TOX2: variants seen among roughly 807,000 people sequenced by gnomAD.
The protein encoded by TOX2 is granulosa cell HMG box 1.
TOX2 carries 15 observed loss-of-function variants against 47.4 expected under a neutral mutation model. The ratio of observed to expected loss-of-function variants is 0.32; its 90% CI spans 0.21 to 0.49. The LOEUF is 0.49. Among genes scored for constraint, TOX2 ranks in the 20% least tolerant of loss-of-function variants. TOX2 has a pLI of 0.99. For missense variants in TOX2, 622 were observed against 673.1 expected, an observed-to-expected ratio of 0.92 and a Z score of 0.84; for synonymous variants, 290 against 296.6, an observed-to-expected ratio of 0.98 and a Z score of 0.23.
intron 1 of TOX2, among the ~76,000 whole-genome samples, chr20:43,948,467 G>A (rs919488580): frequency 3.3e-5 from 5 of 152,274 alleles, no homozygotes; most frequent in Admixed American, 6.5e-5. Flanking sequence ...TCCTTTCCTC[G>A]GCCGGCGGCA....
At chr20:43,950,734 C>T (rs773356191) in intron 1 of TOX2, among the ~76,000 whole-genome samples, 6 of 152,050 alleles carry the variant, frequency 3.9e-5, no homozygotes, top group African/African-American at 1.2e-4. Flanking sequence ...CCCAATACCC[C>T]TCACCTGCTC....
In TOX2 at chr20:43,975,928, A is replaced by G. The variant is rs142532089; in HGVS notation, c.165+2496A>G. Among the ~76,000 whole-genome samples, 319 of 152,118 alleles carry G rather than the reference A, an allele frequency of 2.1e-3. 2 individuals are homozygous for G. The highest frequency in any genetic ancestry group is 7.4e-3 in the African/African-American group (305 of 41,490). On this transcript the variant is annotated intron_variant, in intron 2 of 8. Coordinates refer to ENST00000341197, the MANE Select transcript of TOX2 (RefSeq NM_001098797.2). ...AGCCCCTGCTCTTCTCTGAACTTCAATGTCCCTAACAGTGGAACAAGGTGG... is the reference window on the plus strand; with the variant it reads ...AGCCCCTGCTCTTCTCTGAACTTCAGTGTCCCTAACAGTGGAACAAGGTGG...
chr20:44,052,072 T>C (rs1331452517), intron 4 of TOX2, among the ~76,000 whole-genome samples: 1 of 152,186 alleles, frequency 6.6e-6, no homozygotes, highest in African/African-American at 2.4e-5. Flanking sequence ...ATTTGGCCCT[T>C]TTAGGAGAAA....
At chr20:43,945,924 T>C (rs2069462047) in intron 1 of TOX2, 1 of 1,613,272 alleles carries the variant, frequency 6.2e-7, no homozygotes, top group South Asian at 1.1e-5. Flanking sequence ...TGCAGCAGAC[T>C]CGCACAGAGG....
chr20:43,969,663 T>C (rs1251821642), intron 1 of TOX2, among the ~76,000 whole-genome samples: 15 of 152,180 alleles, frequency 9.9e-5, no homozygotes, highest in Non-Finnish European at 2.9e-5. Flanking sequence ...CCCCGCCCAC[T>C]CAGGGCCTCT....
chr20:43,921,744 A>G (rs1358556941), intron 1 of TOX2, among the ~76,000 whole-genome samples: 1 of 151,856 alleles, frequency 6.6e-6, no homozygotes, highest in Non-Finnish European at 1.5e-5. Context: ...GTGTAGCCTC[A>G]AACTCCTGGG....
At chr20:43,991,867 C>T (rs940259082) in intron 2 of TOX2, among the ~76,000 whole-genome samples, 4 of 152,152 alleles carry the variant, frequency 2.6e-5, no homozygotes, top group Admixed American at 2.6e-4. Context: ...TGGTCTTGAA[C>T]TCCTGACCTC....
intron 1 of TOX2, among the ~76,000 whole-genome samples, chr20:43,927,656 TTCCCC>T (rs1569003636): frequency 9.5e-6 from 1 of 105,440 alleles, no homozygotes; most frequent in East Asian, 3.9e-4. Context: ...TTCCCTTCCC[TTCCCC>T]TTCCTTCCTT....
chr20:44,054,963 A>T lies in TOX2; in HGVS notation c.879+437A>T, dbSNP rs6103585. 2.4e-3 allele frequency among the ~76,000 whole-genome samples: 366 copies of T among 152,168 alleles called. 1 individual carries two copies. The highest frequency in any genetic ancestry group is 7.4e-3 in the African/African-American group (309 of 41,490). ...GGCAAATGGAGTTGCCAGCTGTGTG[A>T]CCTCAGCCTGACCACCTAAACTCTC... On this transcript the variant is annotated intron_variant, in intron 5 of 8. Transcript: ENST00000341197.
At chr20:44,029,673 C>G (rs1003036700) in intron 3 of TOX2, among the ~76,000 whole-genome samples, 1 of 152,196 alleles carries the variant, frequency 6.6e-6, no homozygotes, top group Admixed American at 6.5e-5. Context: ...ATGGGAACAC[C>G]TGCCCTCCAC....
intron 2 of TOX2, among the ~76,000 whole-genome samples, chr20:43,990,054 G>T (rs1418245602): frequency 6.6e-6 from 1 of 152,052 alleles, no homozygotes; most frequent in Admixed American, 6.6e-5. Context: ...CAGTTGTGTG[G>T]CTTTATGCAA....
At chr20:43,990,856 A>G (rs1432196512) in intron 2 of TOX2, among the ~76,000 whole-genome samples, 2 of 152,108 alleles carry the variant, frequency 1.3e-5, no homozygotes, top group Non-Finnish European at 2.9e-5. Flanking sequence ...CGTGTGGCAC[A>G]TTTTTAGGCA....
chr20:43,945,962 T>C, intron 1 of TOX2: 1 of 1,614,072 alleles, frequency 6.2e-7, no homozygotes, highest in Non-Finnish European at 8.5e-7. Context: ...TCTCGCTGCC[T>C]GGGCTTCTGT....
intron 5 of TOX2, among the ~76,000 whole-genome samples, chr20:44,063,918 C>A (rs1326080774): frequency 6.6e-6 from 1 of 152,062 alleles, no homozygotes; most frequent in Non-Finnish European, 1.5e-5. Context: ...AATGGAAAAC[C>A]AAACATTGTA....
chr20:43,925,510 A>G (rs989835844), intron 1 of TOX2, among the ~76,000 whole-genome samples: 4 of 152,170 alleles, frequency 2.6e-5, no homozygotes, highest in Admixed American at 2.6e-4. Context: ...GGAGTCTCCC[A>G]GGCAGATTTC....
chr20:43,995,888 A>G (rs1355640975), intron 2 of TOX2, among the ~76,000 whole-genome samples: 2 of 152,226 alleles, frequency 1.3e-5, no homozygotes, highest in East Asian at 3.8e-4. Flanking sequence ...TATATGTACC[A>G]CATACAACAT....
At chr20:44,009,218 T>C (rs1313517589) in intron 3 of TOX2, among the ~76,000 whole-genome samples, 1 of 152,234 alleles carries the variant, frequency 6.6e-6, no homozygotes, top group Non-Finnish European at 1.5e-5. Context: ...TTTTGTTTAC[T>C]CTTCATTTAT....
At chr20:43,961,728 G>A (rs1029943289) in intron 1 of TOX2, among the ~76,000 whole-genome samples, 22 of 152,130 alleles carry the variant, frequency 1.4e-4, no homozygotes, top group Admixed American at 4.6e-4. Context: ...TCCTGTCACT[G>A]GAGAGGTCCA....
At chr20:44,020,755 A>G (rs2070963033) in intron 3 of TOX2, among the ~76,000 whole-genome samples, 1 of 152,248 alleles carries the variant, frequency 6.6e-6, no homozygotes, top group Admixed American at 6.5e-5. Flanking sequence ...TTCTAATGCC[A>G]GCCCAGAACA....
Sources: allele counts gnomAD v4.1 joint callset (sites outside exome capture counted in the v4.1 genomes callset), GRCh38; gene constraint gnomAD v4.1.1; transcripts MANE v1.5; gene names NCBI Gene and HGNC (gene_info 2026-07-23, HGNC 2026-07-21).